The following MARCHF8 variants were observed in gnomAD, a reference collection of about 807,000 sequenced individuals.
The protein encoded by MARCHF8 is E3 ubiquitin-protein ligase MARCHF8.
In MARCHF8, 40 loss-of-function variants were observed where a neutral mutation model predicts 51.6. That is an observed-to-expected ratio of 0.77 (90% CI 0.60 to 1.01). The LOEUF (loss-of-function observed/expected upper bound fraction) is 1.01, where lower values mean the gene tolerates loss of function less well. Among genes scored for constraint, MARCHF8 ranks in the 50% least tolerant of loss-of-function variants. MARCHF8 has a pLI of 0.00. For missense variants in MARCHF8, 685 were observed against 708.6 expected (o/e 0.97, Z 0.38); for synonymous variants, 263 against 280.3 (o/e 0.94, Z 0.62).
At chr10:45,576,551 T>G (rs2044491284) in intron 1 of MARCHF8, among the ~76,000 whole-genome samples, 1 of 152,066 alleles carries the variant, frequency 6.6e-6, no homozygotes, top group South Asian at 2.1e-4. Context: ...GAAATCATAT[T>G]GTTAATAGTT....
At chr10:45,483,921 G>A (rs1348848415) in intron 3 of MARCHF8, among the ~76,000 whole-genome samples, 1 of 152,254 alleles carries the variant, frequency 6.6e-6, no homozygotes, top group East Asian at 1.9e-4. Context: ...AGGAGTGGGG[G>A]ATAAAGAGAG....
chr10:45,530,091 C>G (rs1457288246), intron 2 of MARCHF8, among the ~76,000 whole-genome samples: 1 of 152,200 alleles, frequency 6.6e-6, no homozygotes, highest in Non-Finnish European at 1.5e-5. Context: ...GAATACTACT[C>G]AGCTATAAAA....
At chr10:45,510,947 C>A (rs2043487964) in intron 2 of MARCHF8, among the ~76,000 whole-genome samples, 1 of 152,178 alleles carries the variant, frequency 6.6e-6, no homozygotes, top group Non-Finnish European at 1.5e-5. Flanking sequence ...TAGCGCTGCT[C>A]AGCACCACAC....
chr10:45,489,118 TA>T (rs1304185427), intron 3 of MARCHF8, among the ~76,000 whole-genome samples: 1 of 152,190 alleles, frequency 6.6e-6, no homozygotes, highest in African/African-American at 2.4e-5. Flanking sequence ...TCTTCTGCCT[TA>T]AAGTATATGG....
At chr10:45,503,532 G>A (rs71494798) in intron 2 of MARCHF8, among the ~76,000 whole-genome samples, 9,278 of 113,014 alleles carry the variant, frequency 0.082, 325 homozygotes, top group African/African-American at 0.097. Context: ...ACGAGACTCC[G>A]TCTCAAATAA....
chr10:45,459,716 A>G (rs1842726129), intron 6 of MARCHF8: 1 of 985,288 alleles, frequency 1.0e-6, no homozygotes, highest in African/African-American at 1.7e-5. Flanking sequence ...TACATTGTGA[A>G]GGTGAATGGC....
At chr10:45,588,001 C>T (rs2044635729) in intron 1 of MARCHF8, among the ~76,000 whole-genome samples, 1 of 152,088 alleles carries the variant, frequency 6.6e-6, no homozygotes, top group Non-Finnish European at 1.5e-5. Context: ...AGACCCATAG[C>T]TCATACCAAA....
chr10:45,541,406 AC>A (rs1227366913), intron 1 of MARCHF8, among the ~76,000 whole-genome samples: 1 of 151,438 alleles, frequency 6.6e-6, no homozygotes, highest in Non-Finnish European at 1.5e-5. Context: ...AACATCACAC[AC>A]CGGGGCCTGT....
At chr10:45,555,213 A>G in intron 1 of MARCHF8, among the ~76,000 whole-genome samples, 1 of 151,866 alleles carries the variant, frequency 6.6e-6, no homozygotes. Flanking sequence ...TGGGCAACAA[A>G]AGCAACACTC....
At chr10:45,585,308 A>G (rs1450590566) in intron 1 of MARCHF8, among the ~76,000 whole-genome samples, 2 of 152,204 alleles carry the variant, frequency 1.3e-5, no homozygotes, top group Non-Finnish European at 2.9e-5. Flanking sequence ...ACCACTGCTC[A>G]TGATAGAAAA....
intron 3 of MARCHF8, among the ~76,000 whole-genome samples, chr10:45,465,983 AG>A (rs1461750462): frequency 6.6e-6 from 1 of 152,190 alleles, no homozygotes; most frequent in East Asian, 1.9e-4. Context: ...AAAGACATCT[AG>A]GGATGCCTGT....
chr10:45,592,498 G>A (rs544008536), intron 1 of MARCHF8, among the ~76,000 whole-genome samples: 50 of 152,126 alleles, frequency 3.3e-4, no homozygotes, highest in East Asian at 1.7e-3. Context: ...TTCAAGGCTC[G>A]AAAAAATGAG....
chr10:45,457,448 C>G lies in MARCHF8; in HGVS notation c.*791G>C, dbSNP rs77677521. On this transcript the variant is annotated 3_prime_UTR_variant, in exon 8 of 8. Transcript: ENST00000453424. The stretch of plus-strand genomic sequence containing the variant: ...TGTGATTAAAAAAAAAGCCTCTGGC[C>G]TGCTTGTCCTGTCTTAAAAGTCATG... 0.013 allele frequency: 1,999 copies of G among 152,566 alleles called. 16 individuals are homozygous for G. The highest frequency in any genetic ancestry group is 0.019 in the Non-Finnish European group (1,270 of 68,016). 9.5% of individuals were successfully genotyped at this position (152,566 alleles called of 1,614,324 possible).
At chr10:45,574,507 T>C (rs1291744525) in intron 1 of MARCHF8, among the ~76,000 whole-genome samples, 1 of 152,174 alleles carries the variant, frequency 6.6e-6, no homozygotes. Flanking sequence ...CTCTCTTCGC[T>C]TTCACTTGGA....
At chr10:45,503,460 C>A in intron 2 of MARCHF8, among the ~76,000 whole-genome samples, 1 of 151,764 alleles carries the variant, frequency 6.6e-6, no homozygotes, top group East Asian at 1.9e-4. Flanking sequence ...TGCTTGAGCC[C>A]GGGAGGCAGA....
At chr10:45,482,121 C>T (rs778618311) in intron 3 of MARCHF8, among the ~76,000 whole-genome samples, 14 of 152,134 alleles carry the variant, frequency 9.2e-5, no homozygotes, top group South Asian at 2.1e-4. Flanking sequence ...AGGTGAAAGG[C>T]GTTGCAAGGA....
rs970299406 is a variant in MARCHF8, at chr10:45,502,128, A to G, written c.103-12711T>C. ...ATAGCTATTGCTCTCCTGAAGATTT[A>G]CCTTGGAGAAATGAAAACACATGTT... On this transcript the variant is annotated intron_variant, in intron 2 of 7. Coordinates refer to ENST00000453424, the MANE Select transcript of MARCHF8 (RefSeq NM_001282866.2). Among the ~76,000 whole-genome samples, 3 of 152,202 alleles carry G rather than the reference A, an allele frequency of 2.0e-5. No homozygotes were observed. The South Asian group carries it at 6.2e-4, about 31-fold the overall frequency.
intron 2 of MARCHF8, among the ~76,000 whole-genome samples, chr10:45,502,533 C>G (rs1253648394): frequency 3.3e-5 from 5 of 152,074 alleles, no homozygotes; most frequent in Non-Finnish European, 7.4e-5. Flanking sequence ...AAGAAGAAAT[C>G]TGGAAAGCAG....
At chr10:45,505,792 A>G (rs2043369045) in intron 2 of MARCHF8, among the ~76,000 whole-genome samples, 2 of 152,212 alleles carry the variant, frequency 1.3e-5, no homozygotes, top group Non-Finnish European at 2.9e-5. Flanking sequence ...CTGGTTTGTT[A>G]GTTTTTTTCT....
Sources: allele counts gnomAD v4.1 joint callset (sites outside exome capture counted in the v4.1 genomes callset), GRCh38; gene constraint gnomAD v4.1.1; transcripts MANE v1.5; gene names NCBI Gene and HGNC (gene_info 2026-07-23, HGNC 2026-07-21).